The following HACL2 variants were observed in gnomAD, a reference collection of about 807,000 sequenced individuals.
HACL2 encodes the protein 2-hydroxyacyl-CoA lyase 2, also known as 2-hydroxyacyl-CoA lyase 1 like.
the HACL2 span, chr19:15,124,765 G>T: frequency 1.0e-6 from 1 of 975,268 alleles, no homozygotes; most frequent in Non-Finnish European, 1.5e-6. Flanking sequence ...TACACAGCGT[G>T]GCAATGGAGA....
the HACL2 span, among the ~76,000 whole-genome samples, chr19:15,120,794 G>A: frequency 2.0e-5 from 3 of 152,150 alleles, no homozygotes; most frequent in Admixed American, 1.3e-4. Flanking sequence ...GGATGGAACC[G>A]TGGGAAGCCC....
At chr19:15,120,136 T>C in the HACL2 span, 1 of 1,153,184 alleles carries the variant, frequency 8.7e-7, no homozygotes, top group Non-Finnish European at 1.3e-6. Context: ...ACTACAAGGA[T>C]TCCAGGATCT....
the HACL2 span, chr19:15,117,615 G>A: frequency 3.1e-6 from 1 of 317,632 alleles, no homozygotes; most frequent in Non-Finnish European, 5.9e-6. Flanking sequence ...GGAGTTTGAG[G>A]GTGCAGTGAG....
chr19:15,121,326 C>T, the HACL2 span, among the ~76,000 whole-genome samples: 12 of 152,178 alleles, frequency 7.9e-5, no homozygotes, highest in African/African-American at 2.9e-4. Context: ...GCTTCACACA[C>T]ATCCGGAGTA....
chr19:15,115,453 A>T, the HACL2 span: 2 of 1,610,830 alleles, frequency 1.2e-6, no homozygotes, highest in Non-Finnish European at 8.5e-7. Context: ...ATTAAGTCGG[A>T]TAGTGGCAAG....
chr19:15,118,026 G>T, the HACL2 span: 1 of 1,613,892 alleles, frequency 6.2e-7, no homozygotes, highest in South Asian at 1.1e-5. Context: ...CTGGTGTGGG[G>T]GACAGGAATG....
chr19:15,120,110 T>C, the HACL2 span: 3 of 1,395,966 alleles, frequency 2.1e-6, no homozygotes, highest in South Asian at 1.3e-5. Context: ...AGAAACCAAG[T>C]TGCCAGAATT....
At chr19:15,115,332 G>C in the HACL2 span, 11 of 1,614,120 alleles carry the variant, frequency 6.8e-6, no homozygotes, top group Non-Finnish European at 9.3e-6. Context: ...TCTCGGCACT[G>C]CTGCTGGGCA....
chr19:15,125,100 G>A, the HACL2 span: 5 of 1,487,598 alleles, frequency 3.4e-6, no homozygotes, highest in Non-Finnish European at 4.5e-6. Context: ...CCCAGACTTG[G>A]GCGCGACAGG....
chr19:15,119,970 G>A, the HACL2 span: 3 of 1,538,130 alleles, frequency 2.0e-6, no homozygotes, highest in Non-Finnish European at 2.6e-6. Flanking sequence ...ACACAAAAGA[G>A]AGGCAATTCA....
At chr19:15,118,633 CCACT>C in the HACL2 span, among the ~76,000 whole-genome samples, 2 of 152,202 alleles carry the variant, frequency 1.3e-5, no homozygotes, top group African/African-American at 4.8e-5. Flanking sequence ...CACACAGCCT[CCACT>C]CACTCTCTTG....
chr19:15,125,149 G>A, the HACL2 span: 1 of 1,348,846 alleles, frequency 7.4e-7, no homozygotes. Flanking sequence ...TCTCGCAGCA[G>A]GATCCAGGGC....
the HACL2 span, chr19:15,118,012 G>T: frequency 6.2e-7 from 1 of 1,614,134 alleles, no homozygotes; most frequent in Non-Finnish European, 8.5e-7. Context: ...GTCACACACA[G>T]TTCCTGGTGT....
the HACL2 span, chr19:15,124,662 G>C: frequency 1.9e-6 from 1 of 523,226 alleles, no homozygotes; most frequent in Non-Finnish European, 3.4e-6. Context: ...TCTGTGAAAA[G>C]AGTCACTGGG....
chr19:15,121,038 G>C, the HACL2 span, among the ~76,000 whole-genome samples: 1 of 152,126 alleles, frequency 6.6e-6, no homozygotes, highest in African/African-American at 2.4e-5. Context: ...GGAAGCCAGG[G>C]GGCAAAGTGC....
the HACL2 span, chr19:15,119,064 C>T: frequency 5.3e-6 from 7 of 1,318,032 alleles, no homozygotes; most frequent in African/African-American, 4.4e-5. Context: ...GTATCAAGTA[C>T]AATAGGTGCC....
At chr19:15,125,379 C>T in the HACL2 span, 6 of 331,840 alleles carry the variant, frequency 1.8e-5, no homozygotes, top group South Asian at 1.7e-4. Context: ...CTTCCACTTA[C>T]CTACTTGTCA....
the HACL2 span, chr19:15,123,593 G>A: frequency 8.7e-6 from 14 of 1,601,988 alleles, 1 homozygote; most frequent in Non-Finnish European, 2.5e-6. The surrounding 1 kb of genome is among the most constrained non-coding windows in gnomAD (Gnocchi z 5.1). Flanking sequence ...CCAAGGACAG[G>A]TGGAGCAATA....
the HACL2 span, among the ~76,000 whole-genome samples, chr19:15,120,704 C>T: frequency 1.3e-5 from 2 of 152,214 alleles, no homozygotes; most frequent in African/African-American, 2.4e-5. Flanking sequence ...TGGGCATTGG[C>T]AGGAAACAGT....
Sources: allele counts gnomAD v4.1 joint callset (sites outside exome capture counted in the v4.1 genomes callset), GRCh38; gene constraint gnomAD v4.1.1; non-coding constraint Gnocchi (gnomAD v3.1); transcripts MANE v1.5; gene names NCBI Gene and HGNC (gene_info 2026-07-23, HGNC 2026-07-21).